The following SASH1 variants were observed in gnomAD, a reference collection of about 807,000 sequenced individuals.
SASH1 encodes SAM and SH3 domain containing 1.
Under a neutral mutation model 125.2 loss-of-function variants are expected in SASH1, and 44 were observed. The observed-to-expected ratio is 0.35, with a 90% CI of 0.28 to 0.45. SASH1 has a LOEUF of 0.45. SASH1 is among the 20% of genes least tolerant of loss of function. The pLI, the probability that SASH1 is intolerant of heterozygous loss-of-function variation, is 1.00. For synonymous variants in SASH1, 639 were observed against 649.1 expected, an observed-to-expected ratio of 0.98 and a Z score of 0.24; for missense variants, 1,426 against 1,614.5, an observed-to-expected ratio of 0.88 and a Z score of 2.00.
rs1188528895 is a variant in SASH1, at chr6:148,543,866, G to A, written c.2396G>A (p.Cys799Tyr). The change falls in exon 18 of 20, where the codon TGT (cysteine) becomes TAT (tyrosine). Residue 799 changes from cysteine (C) to tyrosine (Y), a missense_variant. Around this residue, in one of 3 missense-constraint regions of SASH1, gnomAD observed 634 missense variants for 694.4 expected, o/e 0.91. Transcript: ENST00000367467. The part of the protein sequence containing the change: ...GGLAPDTSKS[C>Y]DPPGVTGLNK... ...CTTGCCCCAGACACGTCCAAGAGCT[G>A]TGACCCACCTGGTGTGACTGGTTTG... 1 of 1,614,200 alleles carries A rather than the reference G, an allele frequency of 6.2e-7. No individual in the cohort carries two copies. The highest frequency in any genetic ancestry group is 1.3e-5 in the African/African-American group (1 of 75,038).
the SASH1 span, among the ~76,000 whole-genome samples, chr6:148,196,500 G>A: frequency 6.6e-6 from 1 of 152,194 alleles, no homozygotes; most frequent in African/African-American, 2.4e-5. Flanking sequence ...GCATAGTCCT[G>A]TCTGATCATC....
the SASH1 span, among the ~76,000 whole-genome samples, chr6:148,250,393 T>C: frequency 6.6e-6 from 1 of 152,128 alleles, no homozygotes; most frequent in Admixed American, 6.5e-5. Flanking sequence ...TTAGAAATCG[T>C]ACTCTCAGAG....
intron 8 of SASH1, among the ~76,000 whole-genome samples, chr6:148,504,480 A>G (rs915237609): frequency 5.3e-5 from 8 of 152,104 alleles, no homozygotes; most frequent in African/African-American, 1.9e-4. Context: ...GCAAATTTGC[A>G]CATCTACTGT....
intron 8 of SASH1, among the ~76,000 whole-genome samples, chr6:148,491,815 C>T (rs1261704388): frequency 5.3e-5 from 8 of 152,088 alleles, no homozygotes; most frequent in Admixed American, 4.6e-4. Flanking sequence ...GAGACATTAC[C>T]GTTTATAATA....
chr6:148,368,202 G>A (rs1380245847), intron 1 of SASH1, among the ~76,000 whole-genome samples: 1 of 152,184 alleles, frequency 6.6e-6, no homozygotes, highest in African/African-American at 2.4e-5. Flanking sequence ...ACTGCAGTGA[G>A]CCCGTACTTC....
At chr6:148,498,311 T>C (rs1320554303) in intron 8 of SASH1, among the ~76,000 whole-genome samples, 1 of 151,698 alleles carries the variant, frequency 6.6e-6, no homozygotes, top group African/African-American at 2.4e-5. Flanking sequence ...CTTGTGGGGC[T>C]GAGGCGGGAG....
chr6:148,539,046 G>A (rs571721004), intron 16 of SASH1, among the ~76,000 whole-genome samples: 57 of 151,166 alleles, frequency 3.8e-4, no homozygotes, highest in Admixed American at 2.0e-4. Flanking sequence ...GGCTTTCCAC[G>A]TGATTTACTT....
At chr6:148,337,784 A>G (rs1333359092) in intron 1 of SASH1, among the ~76,000 whole-genome samples, 1 of 152,236 alleles carries the variant, frequency 6.6e-6, no homozygotes, top group Non-Finnish European at 1.5e-5. Flanking sequence ...TTTCCAATAA[A>G]TAACAGAGAT....
intron 18 of SASH1, among the ~76,000 whole-genome samples, chr6:148,545,484 G>A (rs1175893262): frequency 6.6e-6 from 1 of 152,230 alleles, no homozygotes; most frequent in African/African-American, 2.4e-5. Context: ...CTAGTGAGCT[G>A]GTGGTATCAC....
intron 7 of SASH1, among the ~76,000 whole-genome samples, chr6:148,483,084 A>G (rs1439775760): frequency 1.3e-5 from 2 of 152,172 alleles, no homozygotes; most frequent in African/African-American, 2.4e-5. Flanking sequence ...TAGTGTTGCT[A>G]TAAAGGAATA....
intron 1 of SASH1, among the ~76,000 whole-genome samples, chr6:148,379,605 A>G (rs945980640): frequency 2.0e-5 from 3 of 151,470 alleles, no homozygotes; most frequent in Admixed American, 1.3e-4. Flanking sequence ...CCATCCATCA[A>G]TCCATCCATC....
chr6:148,343,035 C>G lies in SASH1; in HGVS notation c.-33C>G, dbSNP rs940368954. 1.6e-6 allele frequency: 2 copies of G among 1,217,920 alleles called. No individual in the cohort carries two copies. The highest frequency in any genetic ancestry group is 2.0e-6 in the Non-Finnish European group (2 of 979,490). The allele number at this position is 1,217,920 out of a possible 1,614,324, so 75.4% of individuals were successfully genotyped here. ...GTGCGGGGCGAGGGCGCCGCGGGGACTGGGACGCACGGCCCGCGCGCGGGA... is the reference window on the plus strand; with the variant it reads ...GTGCGGGGCGAGGGCGCCGCGGGGAGTGGGACGCACGGCCCGCGCGCGGGA... On this transcript the variant is annotated 5_prime_UTR_variant, in exon 1 of 20. Coordinates refer to ENST00000367467, the MANE Select transcript of SASH1 (RefSeq NM_015278.5).
the SASH1 span, among the ~76,000 whole-genome samples, chr6:148,218,021 A>T: frequency 1.3e-5 from 2 of 151,440 alleles, no homozygotes; most frequent in African/African-American, 2.4e-5. Context: ...TCTCAAAAAA[A>T]AAAAAATAAA....
chr6:148,379,351 A>T (rs765499769), intron 1 of SASH1, among the ~76,000 whole-genome samples: 1 of 152,102 alleles, frequency 6.6e-6, no homozygotes, highest in Non-Finnish European at 1.5e-5. Context: ...TTCCCTCTGT[A>T]TGGAACTTCT....
intron 2 of SASH1, among the ~76,000 whole-genome samples, chr6:148,407,420 T>C (rs1784421716): frequency 6.6e-6 from 1 of 152,200 alleles, no homozygotes; most frequent in Non-Finnish European, 1.5e-5. Context: ...TTTCTTCCCT[T>C]TTGAGGCTGA....
chr6:148,520,581 C>G (rs1780749309), intron 10 of SASH1, among the ~76,000 whole-genome samples: 1 of 152,134 alleles, frequency 6.6e-6, no homozygotes, highest in Non-Finnish European at 1.5e-5. Flanking sequence ...CATTTCTCCT[C>G]TTGTCAGATG....
intron 4 of SASH1, among the ~76,000 whole-genome samples, chr6:148,453,097 C>A (rs878993163): frequency 1.1e-4 from 17 of 152,290 alleles, no homozygotes; most frequent in South Asian, 4.1e-4. Context: ...CTGGAAACTC[C>A]GTTGCCCTTC....
At chr6:148,281,620 A>G (rs940817152) in intron 1 of SASH1, among the ~76,000 whole-genome samples, 4 of 152,040 alleles carry the variant, frequency 2.6e-5, no homozygotes, top group African/African-American at 4.8e-5. Context: ...GAAGTGACCG[A>G]ATTTTAAAAA....
At chr6:148,325,671 G>A (rs374582827) in intron 1 of SASH1, among the ~76,000 whole-genome samples, 3 of 152,098 alleles carry the variant, frequency 2.0e-5, no homozygotes, top group Non-Finnish European at 4.4e-5. Flanking sequence ...ATCTCCCACT[G>A]GGTCCCTCAC....
Sources: gnomAD v4.1 joint callset for allele counts (sites outside exome capture counted in the v4.1 genomes callset) on GRCh38, gnomAD v4.1.1 for gene constraint, gnomAD v4.1.1 regional missense constraint, MANE v1.5 for transcripts, NCBI Gene and HGNC (gene_info 2026-07-23, HGNC 2026-07-21) for gene names.